MTCL3: variants seen among roughly 807,000 people sequenced by gnomAD.
MTCL3 encodes the protein microtubule cross-linking factor 3.
At chr6:127,476,464 T>C in the MTCL3 span, 1 of 1,575,696 alleles carries the variant, frequency 6.3e-7, no homozygotes, top group Non-Finnish European at 8.6e-7. The surrounding 1 kb of genome is among the most constrained non-coding windows in gnomAD (Gnocchi z 4.4). Context: ...ATCTTCATTG[T>C]CCTCCTCATT....
chr6:127,496,399 T>G, the MTCL3 span, among the ~76,000 whole-genome samples: 1 of 152,098 alleles, frequency 6.6e-6, no homozygotes, highest in African/African-American at 2.4e-5. Flanking sequence ...GAAAATTTTT[T>G]TTTAAAAATA....
chr6:127,497,556 T>A, the MTCL3 span, among the ~76,000 whole-genome samples: 1 of 152,222 alleles, frequency 6.6e-6, no homozygotes, highest in Non-Finnish European at 1.5e-5. Context: ...AGTGCTGCAG[T>A]AGCAGCCTTT....
chr6:127,500,289 T>C, the MTCL3 span, among the ~76,000 whole-genome samples: 1 of 152,188 alleles, frequency 6.6e-6, no homozygotes, highest in Non-Finnish European at 1.5e-5. Flanking sequence ...GGCTAATATA[T>C]AATAAGACAT....
the MTCL3 span, among the ~76,000 whole-genome samples, chr6:127,495,175 C>T: frequency 2.0e-4 from 29 of 147,072 alleles, no homozygotes; most frequent in East Asian, 5.9e-3. Flanking sequence ...CCAGCCTGGG[C>T]GACAGAGCAT....
the MTCL3 span, chr6:127,481,360 AT>A: frequency 1.5e-5 from 15 of 985,408 alleles, no homozygotes; most frequent in African/African-American, 2.6e-4. Context: ...GACAGAGTAT[AT>A]TTGGACTTAC....
chr6:127,482,665 TA>T, the MTCL3 span, among the ~76,000 whole-genome samples: 1 of 152,204 alleles, frequency 6.6e-6, no homozygotes, highest in African/African-American at 2.4e-5. This position sits in a 1 kb window ranked among gnomAD's most constrained non-coding sequence, Gnocchi z 4.1. Flanking sequence ...TAGCAGCGTA[TA>T]AAATACGAAT....
chr6:127,482,420 T>C, the MTCL3 span, among the ~76,000 whole-genome samples: 3 of 152,330 alleles, frequency 2.0e-5, no homozygotes, highest in Non-Finnish European at 2.9e-5. The surrounding 1 kb of genome is among the most constrained non-coding windows in gnomAD (Gnocchi z 4.1). Flanking sequence ...GAGTACATCT[T>C]TCAACTTTCA....
the MTCL3 span, among the ~76,000 whole-genome samples, chr6:127,491,916 T>G: frequency 6.7e-6 from 1 of 150,214 alleles, no homozygotes; most frequent in Admixed American, 6.6e-5. Flanking sequence ...GGACTCTACT[T>G]CCGTACCTCT....
the MTCL3 span, chr6:127,515,657 G>A: frequency 4.0e-6 from 6 of 1,494,882 alleles, no homozygotes; most frequent in Non-Finnish European, 5.3e-6. This position sits in a 1 kb window ranked among gnomAD's most constrained non-coding sequence, Gnocchi z 4.3. Context: ...TCTGCGCTCT[G>A]CTGGGGGCCC....
the MTCL3 span, among the ~76,000 whole-genome samples, chr6:127,518,276 A>G: frequency 7.2e-5 from 11 of 152,192 alleles, no homozygotes; most frequent in Non-Finnish European, 8.8e-5. Context: ...TTTGTTTTTA[A>G]TCAGGCAGAA....
At chr6:127,473,538 C>A in the MTCL3 span, 1 of 524,124 alleles carries the variant, frequency 1.9e-6, no homozygotes, top group African/African-American at 2.0e-5. Flanking sequence ...AATCTGAAAG[C>A]CTAATATACA....
At chr6:127,482,609 A>G in the MTCL3 span, among the ~76,000 whole-genome samples, 1 of 152,166 alleles carries the variant, frequency 6.6e-6, no homozygotes, top group African/African-American at 2.4e-5. The surrounding 1 kb of genome is among the most constrained non-coding windows in gnomAD (Gnocchi z 4.1). Context: ...TGACCTTATT[A>G]ATTATAAAAG....
chr6:127,485,031 GC>G, the MTCL3 span, among the ~76,000 whole-genome samples: 2,065 of 152,260 alleles, frequency 0.014, 63 homozygotes, highest in African/African-American at 0.047. Flanking sequence ...TGAGGATGAG[GC>G]CCAGTGATCT....
chr6:127,499,519 T>C, the MTCL3 span, among the ~76,000 whole-genome samples: 1 of 152,324 alleles, frequency 6.6e-6, no homozygotes, highest in African/African-American at 2.4e-5. Context: ...AGAGCACATA[T>C]GATTATCAAA....
chr6:127,515,986 C>T, the MTCL3 span: 2 of 1,595,156 alleles, frequency 1.3e-6, no homozygotes, highest in Non-Finnish European at 8.5e-7. This position sits in a 1 kb window ranked among gnomAD's most constrained non-coding sequence, Gnocchi z 4.3. Context: ...CCCCTCCCCG[C>T]CGCTGCCGCC....
the MTCL3 span, among the ~76,000 whole-genome samples, chr6:127,508,149 G>GC: frequency 6.6e-6 from 1 of 152,094 alleles, no homozygotes; most frequent in African/African-American, 2.4e-5. Context: ...TGCAAGAAAT[G>GC]CCCCATTAAA....
the MTCL3 span, chr6:127,515,142 C>T: frequency 1.8e-6 from 2 of 1,107,070 alleles, no homozygotes; most frequent in Non-Finnish European, 2.7e-6. This position sits in a 1 kb window ranked among gnomAD's most constrained non-coding sequence, Gnocchi z 4.3. Flanking sequence ...AAATTCTCAG[C>T]TTTAATTGCC....
At chr6:127,519,296 C>A in the MTCL3 span, 4 of 152,206 alleles carry the variant, frequency 2.6e-5, no homozygotes, top group Non-Finnish European at 5.9e-5. Context: ...GCCTTCCGGG[C>A]GTGACTAACA....
chr6:127,473,214 T>C, the MTCL3 span: 43 of 1,393,044 alleles, frequency 3.1e-5, 2 homozygotes, highest in Admixed American at 3.7e-4. Flanking sequence ...CTTTTACTTC[T>C]TGTCTTGAAG....
Sources: gnomAD v4.1 joint callset for allele counts (sites outside exome capture counted in the v4.1 genomes callset) on GRCh38, gnomAD v4.1.1 for gene constraint, Gnocchi (gnomAD v3.1) non-coding constraint, MANE v1.5 for transcripts, NCBI Gene and HGNC (gene_info 2026-07-23, HGNC 2026-07-21) for gene names.